The following SLC14A2 variants were observed in gnomAD, a reference collection of about 807,000 sequenced individuals.
The protein encoded by SLC14A2 is solute carrier family 14 member 2.
Under a neutral mutation model 104.6 loss-of-function variants are expected in SLC14A2, and 91 were observed. The ratio of observed to expected loss-of-function variants is 0.87; its 90% CI spans 0.73 to 1.04. The LOEUF is 1.04. SLC14A2 is among the 50% of genes least tolerant of loss of function. The pLI is 0.00. For synonymous variants in SLC14A2, 476 were observed against 466.4 expected (o/e 1.02, Z -0.27); for missense variants, 1,189 against 1,156.0 (o/e 1.03, Z -0.41).
intron 1 of SLC14A2, among the ~76,000 whole-genome samples, chr18:45,423,390 C>A (rs1397190787): frequency 1.3e-5 from 2 of 152,170 alleles, no homozygotes; most frequent in Non-Finnish European, 2.9e-5. Flanking sequence ...TGGGGAGAGC[C>A]CTTTGCTCAG....
Position 45,641,196 on chromosome 18 carries a change from C to T in SLC14A2, c.992-13C>T, listed in dbSNP as rs200815785. ...CCCAGAATCAGACAGAAATACCACA[C>T]CTTGTCCCATAGCCCTGTCAGTGGC... On this transcript the variant is annotated splice_polypyrimidine_tract_variant and intron_variant, in intron 7 of 19. Coordinates refer to ENST00000255226, the MANE Select transcript of SLC14A2 (RefSeq NM_007163.4). 1,956 of 1,613,470 alleles carry T rather than the reference C, an allele frequency of 1.2e-3. 11 individuals carry two copies. The highest frequency in any genetic ancestry group is 0.01 in the African/African-American group (752 of 75,054).
chr18:45,180,482 G>A, the SLC14A2 span, among the ~76,000 whole-genome samples: 1 of 152,090 alleles, frequency 6.6e-6, no homozygotes, highest in East Asian at 1.9e-4. Flanking sequence ...CTTAAACATA[G>A]AATTAAAACT....
intron 1 of SLC14A2, among the ~76,000 whole-genome samples, chr18:45,324,571 G>C (rs56122603): frequency 0.13 from 19,886 of 151,734 alleles, 1,376 homozygotes; most frequent in South Asian, 0.16. Context: ...CCCTGGGGCT[G>C]TTACCCTATC....
chr18:45,190,947 G>A, the SLC14A2 span, among the ~76,000 whole-genome samples: 1 of 152,122 alleles, frequency 6.6e-6, no homozygotes, highest in Non-Finnish European at 1.5e-5. Context: ...AATGCATCAT[G>A]TTTCCCTTGT....
At position 45,618,669 on chromosome 18, in the gene SLC14A2, C is replaced by CAA. The variant is rs60728655; in HGVS notation, c.-35+3115_-35+3116dup. The stretch of plus-strand genomic sequence containing the variant: ...GGGTGACAAGAGCGAAACTCTGTCT[C>CAA]AAAAAAAAAAAAAAAAAAAAAAAAA... On this transcript the variant is annotated intron_variant, in intron 1 of 19. Transcript: ENST00000255226. 4.7e-3 allele frequency among the ~76,000 whole-genome samples: 236 copies of CAA among 50,680 alleles called. 5 individuals carry two copies. The highest frequency in any genetic ancestry group is 0.016 in the Middle Eastern group (1 of 64). The allele number at this position is 50,680 out of a possible 152,430, so 33.2% of individuals were successfully genotyped here.
chr18:45,658,971 G>C (rs2045889086), intron 10 of SLC14A2, among the ~76,000 whole-genome samples: 1 of 152,108 alleles, frequency 6.6e-6, no homozygotes, highest in Middle Eastern at 3.2e-3. Context: ...CAGGATGATG[G>C]CAATCCTCGA....
intron 1 of SLC14A2, among the ~76,000 whole-genome samples, chr18:45,318,842 G>T (rs113713573): frequency 2.0e-5 from 3 of 151,932 alleles, no homozygotes; most frequent in African/African-American, 7.3e-5. Flanking sequence ...ACTCAGCCCC[G>T]GTCAGCATGC....
chr18:45,364,497 A>G (rs2085647291), intron 1 of SLC14A2, among the ~76,000 whole-genome samples: 2 of 152,236 alleles, frequency 1.3e-5, no homozygotes, highest in Non-Finnish European at 2.9e-5. Flanking sequence ...TATAAGAATT[A>G]ACTTATACAT....
intron 1 of SLC14A2, among the ~76,000 whole-genome samples, chr18:45,433,329 G>T (rs57793355): frequency 0.53 from 80,757 of 152,016 alleles, 21,613 homozygotes; most frequent in Admixed American, 0.66. Context: ...CCAAATAACA[G>T]GAGCTTTTCT....
At chr18:45,666,511 A>C (rs2046026706) in intron 12 of SLC14A2, among the ~76,000 whole-genome samples, 1 of 152,070 alleles carries the variant, frequency 6.6e-6, no homozygotes, top group African/African-American at 2.4e-5. Context: ...TCACATGTTC[A>C]ATTTCATACC....
At chr18:45,333,163 A>G (rs2085305956) in intron 1 of SLC14A2, among the ~76,000 whole-genome samples, 1 of 152,252 alleles carries the variant, frequency 6.6e-6, no homozygotes, top group South Asian at 2.1e-4. Flanking sequence ...TATACTCCCA[A>G]ATGCATCAGT....
intron 1 of SLC14A2, among the ~76,000 whole-genome samples, chr18:45,399,357 G>A (rs2086070759): frequency 6.6e-6 from 1 of 152,178 alleles, no homozygotes; most frequent in Admixed American, 6.5e-5. Context: ...GCGTGAGATT[G>A]TGGGCACTTG....
upstream of SLC14A2, among the ~76,000 whole-genome samples, chr18:45,210,747 A>T (rs1388229867): frequency 6.6e-6 from 1 of 152,152 alleles, no homozygotes; most frequent in Non-Finnish European, 1.5e-5. Context: ...AACTTTAACC[A>T]AACCATTCAA....
chr18:45,584,830 T>G (rs888757793), intron 2 of SLC14A2, among the ~76,000 whole-genome samples: 3 of 152,220 alleles, frequency 2.0e-5, no homozygotes, highest in Non-Finnish European at 4.4e-5. Flanking sequence ...AACGAAGTGA[T>G]GTTTATGAAA....
At chr18:45,202,079 G>A in the SLC14A2 span, among the ~76,000 whole-genome samples, 1 of 152,068 alleles carries the variant, frequency 6.6e-6, no homozygotes, top group African/African-American at 2.4e-5. Flanking sequence ...TCAGAACTAA[G>A]GGCAATACTT....
rs113115672 is a variant in SLC14A2, at chr18:45,669,533, C to A, written c.2229+35C>A. The A allele has an allele frequency of 2.8e-5, 43 of 1,548,298 alleles. No homozygotes were observed. In the African/African-American group the frequency reaches 4.2e-4, roughly 15 times the overall value. On this transcript the variant is annotated intron_variant, in intron 16 of 19. Coordinates refer to ENST00000255226, the MANE Select transcript of SLC14A2 (RefSeq NM_007163.4). The stretch of plus-strand genomic sequence containing the variant: ...ATGGAAGGAGGAAGGGCAGGTCTGT[C>A]CACACTGGATGTTACTGGCATTTGC...
intron 2 of SLC14A2, chr18:45,528,177 G>A (rs567943404): frequency 4.9e-5 from 3 of 60,802 alleles, no homozygotes; most frequent in South Asian, 1.4e-3. Context: ...CTGTGTGTGT[G>A]TGTGCGGGGG....
intron 1 of SLC14A2, among the ~76,000 whole-genome samples, chr18:45,620,891 A>C (rs565501346): frequency 1.3e-5 from 2 of 152,266 alleles, no homozygotes; most frequent in Non-Finnish European, 2.9e-5. Flanking sequence ...ATAGTGATCA[A>C]TCTTACAGCT....
chr18:45,412,039 A>G (rs1366725362), intron 1 of SLC14A2, among the ~76,000 whole-genome samples: 1 of 152,180 alleles, frequency 6.6e-6, no homozygotes, highest in Non-Finnish European at 1.5e-5. Context: ...TTTAATCAGT[A>G]TCTGTCTCCC....
Sources: allele counts gnomAD v4.1 joint callset (sites outside exome capture counted in the v4.1 genomes callset), GRCh38; gene constraint gnomAD v4.1.1; transcripts MANE v1.5; gene names NCBI Gene and HGNC (gene_info 2026-07-23, HGNC 2026-07-21).